Variants in ADAMTS20 observed in about 807,000 individuals in gnomAD.
The protein encoded by ADAMTS20 is ADAM metallopeptidase with thrombospondin type 1 motif 20.
Under a neutral mutation model 260.1 loss-of-function variants are expected in ADAMTS20, and 225 were observed. The ratio of observed to expected loss-of-function variants is 0.87; its 90% confidence interval spans 0.78 to 0.97. ADAMTS20 has a LOEUF of 0.97. Among genes scored for constraint, ADAMTS20 ranks in the 50% least tolerant of loss-of-function variants. ADAMTS20 has a pLI of 0.00. For synonymous variants in ADAMTS20, 802 were observed against 769.5 expected (o/e 1.04, Z -0.70); for missense variants, 2,400 against 2,337.7 (o/e 1.03, Z -0.55).
intron 11 of ADAMTS20, among the ~76,000 whole-genome samples, chr12:43,454,657 C>A (rs140764878): frequency 1.2e-4 from 19 of 152,224 alleles, no homozygotes; most frequent in African/African-American, 4.3e-4. Context: ...CTTAATCCAT[C>A]CCTTCTCACT....
chr12:43,395,730 G>A (rs35297516), intron 29 of ADAMTS20, among the ~76,000 whole-genome samples: 2 of 134,346 alleles, frequency 1.5e-5, no homozygotes, highest in East Asian at 4.6e-4. Context: ...TACTATATGA[G>A]ACTGGAGAAC....
intron 15 of ADAMTS20, 50 bp downstream of exon 15, chr12:43,446,545 C>A (rs1222394539): frequency 8.8e-6 from 12 of 1,362,806 alleles, no homozygotes; most frequent in Non-Finnish European, 1.2e-5. Context: ...TTACAGACTC[C>A]ATTATTATAC....
At chr12:43,530,024 A>G (rs185374205) in intron 3 of ADAMTS20, among the ~76,000 whole-genome samples, 1 of 152,254 alleles carries the variant, frequency 6.6e-6, no homozygotes, top group African/African-American at 2.4e-5. Context: ...AGGCAATTTA[A>G]GACTTGAAAA....
intron 28 of ADAMTS20, chr12:43,423,217 C>T (rs1219949569): frequency 6.6e-6 from 1 of 152,420 alleles, no homozygotes; most frequent in East Asian, 1.9e-4. Flanking sequence ...TGCAACTAAT[C>T]AATGCTACTG....
chr12:43,387,681 C>A (rs139347334), intron 29 of ADAMTS20, among the ~76,000 whole-genome samples: 2 of 152,286 alleles, frequency 1.3e-5, no homozygotes, highest in African/African-American at 2.4e-5. Flanking sequence ...TCAGAGATAC[C>A]CTACCCAGAG....
chr12:43,419,836 G>A (rs1359353761), intron 28 of ADAMTS20, among the ~76,000 whole-genome samples: 1 of 152,020 alleles, frequency 6.6e-6, no homozygotes, highest in African/African-American at 2.4e-5. Context: ...CAAATCTGCA[G>A]GGCCCAATTT....
intron 11 of ADAMTS20, among the ~76,000 whole-genome samples, chr12:43,461,136 G>A (rs1219643647): frequency 2.7e-5 from 4 of 150,242 alleles, no homozygotes; most frequent in Non-Finnish European, 5.9e-5. Context: ...GATTACAGGC[G>A]CCTGTCACCA....
At chr12:43,534,979 T>G (rs912175238) in intron 2 of ADAMTS20, among the ~76,000 whole-genome samples, 1 of 152,026 alleles carries the variant, frequency 6.6e-6, no homozygotes, top group African/African-American at 2.4e-5. Flanking sequence ...ATCATCACAC[T>G]CAGTCTGGCT....
chr12:43,395,023 T>C (rs1444794743), intron 29 of ADAMTS20, among the ~76,000 whole-genome samples: 4 of 152,158 alleles, frequency 2.6e-5, no homozygotes, highest in African/African-American at 9.7e-5. Flanking sequence ...GTTTGATAAA[T>C]GCCCTAAGTT....
chr12:43,401,733 T>A (rs139374476), intron 28 of ADAMTS20, among the ~76,000 whole-genome samples: 3,422 of 100,862 alleles, frequency 0.034, 57 homozygotes, highest in South Asian at 0.056. Flanking sequence ...TATAAGTATA[T>A]TTTTATGCTT....
intron 28 of ADAMTS20, among the ~76,000 whole-genome samples, chr12:43,425,254 G>T (rs983794566): frequency 3.3e-5 from 5 of 151,980 alleles, no homozygotes; most frequent in African/African-American, 1.2e-4. Context: ...GGGGCCTGTT[G>T]GGGGAGGAGT....
At chr12:43,375,287 T>C in intron 36 of ADAMTS20, 92 bp downstream of exon 36, 2 of 1,397,388 alleles carry the variant, frequency 1.4e-6, no homozygotes, top group Non-Finnish European at 1.9e-6. Context: ...GGTCCTTCTC[T>C]GTACCCTGGC....
chr12:43,468,824 C>T, intron 7 of ADAMTS20, 119 bp from the exon 8 acceptor site: 1 of 574,822 alleles, frequency 1.7e-6, no homozygotes, highest in South Asian at 2.4e-5. Flanking sequence ...GCAGAATTGG[C>T]TGTTAATATT....
At chr12:43,540,595 T>A (rs1463784475) in intron 2 of ADAMTS20, among the ~76,000 whole-genome samples, 4 of 150,194 alleles carry the variant, frequency 2.7e-5, no homozygotes, top group African/African-American at 4.9e-5. Context: ...GCACTTTAAA[T>A]TTTTTTTTAA....
Position 43,376,150 on chromosome 12 carries a change from T to G in ADAMTS20, c.5221-2A>C. On this transcript the variant is annotated splice_acceptor_variant, in intron 34 of 38. Transcript: ENST00000389420. LOFTEE classifies it high-confidence loss of function. ...CAAGTACATGTCTGCACAATAAATC[T>G]AAAGAAAAAATGTAAACATCTAGAA... 3 of 1,591,956 alleles carry G rather than the reference T, an allele frequency of 1.9e-6. No individual in the cohort carries two copies. The highest frequency in any genetic ancestry group is 2.6e-6 in the Non-Finnish European group (3 of 1,171,154).
intron 29 of ADAMTS20, among the ~76,000 whole-genome samples, chr12:43,390,170 A>G (rs1000768114): frequency 5.9e-5 from 9 of 152,216 alleles, no homozygotes; most frequent in African/African-American, 1.9e-4. Flanking sequence ...CTCTGGGCCT[A>G]TGCAATCCCT....
At position 43,543,042 on chromosome 12, in the gene ADAMTS20, G is replaced by A. The variant is rs1367638793; in HGVS notation, c.453+7867C>T. Among the ~76,000 whole-genome samples, 4 of 152,178 alleles carry A rather than the reference G, an allele frequency of 2.6e-5. No individual in the cohort carries two copies. The East Asian group carries it at 5.8e-4, about 22-fold the overall frequency. On this transcript the variant is annotated intron_variant, in intron 2 of 38. Coordinates refer to ENST00000389420, the MANE Select transcript of ADAMTS20 (RefSeq NM_025003.5). ...AGGGCTGGGCACTTGGCTCATGCCCGTAATCCCAACACTTTGGGAGGCTGA... is the reference window on the plus strand; with the variant it reads ...AGGGCTGGGCACTTGGCTCATGCCCATAATCCCAACACTTTGGGAGGCTGA...
intron 4 of ADAMTS20, among the ~76,000 whole-genome samples, chr12:43,494,852 G>T (rs1164818377): frequency 2.6e-5 from 4 of 152,122 alleles, no homozygotes; most frequent in Non-Finnish European, 5.9e-5. Flanking sequence ...TTTAAAAGTG[G>T]ATGCTTTTCT....
intron 14 of ADAMTS20, among the ~76,000 whole-genome samples, chr12:43,450,774 C>A (rs1171623180): frequency 6.6e-6 from 1 of 151,846 alleles, no homozygotes; most frequent in African/African-American, 2.4e-5. Context: ...ATGTTTTTAT[C>A]ATGTACAACA....
Sources: allele counts gnomAD v4.1 joint callset (sites outside exome capture counted in the v4.1 genomes callset), GRCh38; gene constraint gnomAD v4.1.1; transcripts MANE v1.5; gene names NCBI Gene and HGNC (gene_info 2026-07-23, HGNC 2026-07-21).